ANKS6: variants seen among roughly 807,000 people sequenced by gnomAD.
ANKS6 encodes the protein ankyrin repeat and sterile alpha motif domain containing 6.
ANKS6 carries 47 observed loss-of-function variants against 77.9 expected under a neutral mutation model. That is an observed-to-expected ratio of 0.60 (90% CI 0.48 to 0.77). The LOEUF is 0.77. Ranked by LOEUF, ANKS6 falls within the 30% of genes least tolerant of loss-of-function variation. ANKS6 has a pLI of 0.00. For synonymous variants in ANKS6, 488 were observed against 501.7 expected (o/e 0.97, Z 0.37); for missense variants, 1,150 against 1,159.1 (o/e 0.99, Z 0.11).
At chr9:98,788,510 G>A (rs907182898) in intron 2 of ANKS6, among the ~76,000 whole-genome samples, 2 of 152,214 alleles carry the variant, frequency 1.3e-5, no homozygotes, top group Non-Finnish European at 2.9e-5. Context: ...CAATGGCCTT[G>A]TGTCAAAAAC....
intron 9 of ANKS6, among the ~76,000 whole-genome samples, chr9:98,772,109 G>A (rs1027931740): frequency 6.6e-6 from 1 of 152,190 alleles, no homozygotes; most frequent in Non-Finnish European, 1.5e-5. Context: ...ACCTTTGACT[G>A]TTACCTTATG....
chr9:98,783,849 TTTG>T, intron 4 of ANKS6, 101 bp downstream of exon 4: 1 of 1,035,640 alleles, frequency 9.7e-7, no homozygotes, highest in Non-Finnish European at 1.3e-6. Flanking sequence ...AGTCCTGGGG[TTTG>T]TATGCAGCAT....
Position 98,756,619 on chromosome 9 carries a change from A to G in ANKS6, c.2143-16T>C. On this transcript the variant is annotated splice_polypyrimidine_tract_variant and intron_variant, in intron 11 of 14. Transcript: ENST00000353234. The stretch of plus-strand genomic sequence containing the variant: ...TCTCCAATTTCTGCTGAACAGAGTA[A>G]GACAAATACATAAGCCATCACCTGT... 2.0e-6 allele frequency: 3 copies of G among 1,492,320 alleles called. No homozygotes were observed. Among genetic ancestry groups the G allele is most frequent in the Admixed American group, 2.4e-5 (1 of 41,966 alleles). The allele number at this position is 1,492,320 out of a possible 1,614,324, so 92.4% of individuals were successfully genotyped here. A position where few individuals can be genotyped will look rare whatever the true frequency, so the allele number is the denominator to read the frequency against.
At chr9:98,753,326 G>A (rs7865751) in intron 12 of ANKS6, among the ~76,000 whole-genome samples, 5 of 152,140 alleles carry the variant, frequency 3.3e-5, no homozygotes, top group Admixed American at 2.6e-4. Context: ...AAAGACTTAC[G>A]TTGGAACTTC....
chr9:98,767,925 T>C (rs1833389108), intron 11 of ANKS6, among the ~76,000 whole-genome samples, 156 bp downstream of exon 11: 1 of 152,228 alleles, frequency 6.6e-6, no homozygotes, highest in Non-Finnish European at 1.5e-5. Context: ...GAGGACCATT[T>C]CAGCCCTTCT....
Position 98,736,252 on chromosome 9 carries a change from C to A in ANKS6, c.*267G>T. On this transcript the variant is annotated 3_prime_UTR_variant, in exon 15 of 15. Transcript: ENST00000353234. Reference sequence around the variant, plus strand: ...AGGGCAGAGCACAGGATGAAAGGAGCTGAGTCCCTGCATCACTGTGTGAAC... The same window carrying A: ...AGGGCAGAGCACAGGATGAAAGGAGATGAGTCCCTGCATCACTGTGTGAAC... 1 of 1,287,254 alleles carries A rather than the reference C, an allele frequency of 7.8e-7. No homozygotes were observed. Among genetic ancestry groups the A allele is most frequent in the Non-Finnish European group, 9.8e-7 (1 of 1,018,706 alleles). The allele number at this position is 1,287,254 out of a possible 1,614,324, so 79.7% of individuals were successfully genotyped here. A position where few individuals can be genotyped will look rare whatever the true frequency, so the allele number is the denominator to read the frequency against.
chr9:98,743,237 A>G (rs1831935406), intron 14 of ANKS6, among the ~76,000 whole-genome samples: 1 of 152,124 alleles, frequency 6.6e-6, no homozygotes, highest in African/African-American at 2.4e-5. Flanking sequence ...CGAAGAGGAG[A>G]AAGGGTCCTC....
chr9:98,789,023 G>A (rs1834734102), intron 2 of ANKS6, among the ~76,000 whole-genome samples: 2 of 151,032 alleles, frequency 1.3e-5, no homozygotes, highest in Non-Finnish European at 2.9e-5. Flanking sequence ...GTTCTGATTG[G>A]ATGGTGTATT....
intron 14 of ANKS6, among the ~76,000 whole-genome samples, chr9:98,738,469 G>C (rs1831622775): frequency 6.6e-6 from 1 of 151,456 alleles, no homozygotes; most frequent in African/African-American, 2.4e-5. Flanking sequence ...CAAATGGCCA[G>C]CAAACATATG....
intron 5 of ANKS6, 40 bp downstream of exon 5, chr9:98,782,427 C>T (rs188834009): frequency 4.3e-5 from 68 of 1,563,324 alleles, no homozygotes; most frequent in African/African-American, 3.2e-4. Context: ...GTCCAAGAAA[C>T]GCTGGGTAGA....
At chr9:98,755,604 C>T (rs1424728696) in intron 12 of ANKS6, among the ~76,000 whole-genome samples, 1 of 152,240 alleles carries the variant, frequency 6.6e-6, no homozygotes, top group Non-Finnish European at 1.5e-5. Flanking sequence ...TGCTTGCCCT[C>T]ACCCATCCCC....
chr9:98,758,324 C>CTT (rs35699060), intron 11 of ANKS6, among the ~76,000 whole-genome samples: 4,591 of 134,728 alleles, frequency 0.034, 114 homozygotes, highest in Non-Finnish European at 0.048. Context: ...CGCCATCTTT[C>CTT]TTTTTTTTTT....
intron 3 of ANKS6, 152 bp downstream of exon 3, chr9:98,784,680 C>T (rs985093113): frequency 1.2e-5 from 8 of 659,306 alleles, no homozygotes; most frequent in East Asian, 2.7e-5. Flanking sequence ...AAATACTGGC[C>T]TCCAGGATCT....
intron 14 of ANKS6, among the ~76,000 whole-genome samples, chr9:98,743,996 C>T (rs527883354): frequency 6.6e-6 from 1 of 152,162 alleles, no homozygotes; most frequent in African/African-American, 2.4e-5. Context: ...TGCCTTACCC[C>T]CCTGCCCTCC....
rs1283374596 is a variant in ANKS6 at position 98,793,256 on chromosome 9, A to C, written c.360-2650T>G. On this transcript the variant is annotated intron_variant, in intron 1 of 14. Transcript: ENST00000353234. ...CTTCCAGGCACCAACACCAAGAGGG[A>C]AACTATCAGTTACAGGATTCATGGC... Among the ~76,000 whole-genome samples, 3 of 152,212 alleles carry C rather than the reference A, an allele frequency of 2.0e-5. No individual in the cohort carries two copies. The East Asian group carries it at 5.8e-4, about 29-fold the overall frequency.
At chr9:98,774,973 G>A (rs889591439) in intron 8 of ANKS6, among the ~76,000 whole-genome samples, 1 of 152,226 alleles carries the variant, frequency 6.6e-6, no homozygotes, top group African/African-American at 2.4e-5. Flanking sequence ...CCATTATGGG[G>A]GGGCAGGCAC....
At chr9:98,773,231 G>A (rs1161498859) in intron 9 of ANKS6, among the ~76,000 whole-genome samples, 1 of 152,176 alleles carries the variant, frequency 6.6e-6, no homozygotes, top group Non-Finnish European at 1.5e-5. Context: ...GAGTGCTGGG[G>A]TCAGCCCCAT....
chr9:98,767,170 T>G (rs147088077), intron 11 of ANKS6, among the ~76,000 whole-genome samples: 57 of 152,302 alleles, frequency 3.7e-4, no homozygotes, highest in Non-Finnish European at 7.4e-4. Flanking sequence ...GCTAACAATG[T>G]GGTGACTGTT....
intron 2 of ANKS6, among the ~76,000 whole-genome samples, chr9:98,785,219 G>A (rs756895779): frequency 8.5e-5 from 13 of 152,070 alleles, no homozygotes; most frequent in Non-Finnish European, 1.3e-4. Context: ...AGAAAATCCT[G>A]GATTCCCATG....
Sources: allele counts gnomAD v4.1 joint callset (sites outside exome capture counted in the v4.1 genomes callset), GRCh38; gene constraint gnomAD v4.1.1; transcripts MANE v1.5; gene names NCBI Gene and HGNC (gene_info 2026-07-23, HGNC 2026-07-21).